Variants in OXR1 observed in about 807,000 individuals in gnomAD.
OXR1 encodes oxidation resistance protein 1.
Under a neutral mutation model 104.6 loss-of-function variants are expected in OXR1, and 41 were observed. The observed-to-expected ratio is 0.39, with a 90% CI of 0.31 to 0.51. OXR1 has a LOEUF of 0.51. Ranked by LOEUF, OXR1 falls within the 20% of genes least tolerant of loss-of-function variation. The pLI is 0.77. For missense variants in OXR1, 955 were observed against 1,031.9 expected, an observed-to-expected ratio of 0.93 and a Z score of 1.02; for synonymous variants, 348 against 348.4, an observed-to-expected ratio of 1.00 and a Z score of 0.01.
intron 12 of OXR1, 31 bp downstream of exon 12, chr8:106,737,631 G>A (rs1057201153): frequency 1.7e-5 from 15 of 897,580 alleles, no homozygotes; most frequent in Admixed American, 6.6e-5. Flanking sequence ...AACCCCTCCA[G>A]AGACTAAATA....
At chr8:106,609,789 G>A (rs575201751) in intron 3 of OXR1, among the ~76,000 whole-genome samples, 145 of 152,112 alleles carry the variant, frequency 9.5e-4, no homozygotes, top group African/African-American at 3.4e-3. Context: ...TATGATGCAT[G>A]TAATTTACAC....
intron 8 of OXR1, 103 bp from the exon 9 acceptor site, chr8:106,706,279 G>A: frequency 1.4e-6 from 1 of 722,042 alleles, no homozygotes; most frequent in East Asian, 3.1e-5. Context: ...ACATCCTTTT[G>A]TTAAAAAGTC....
chr8:106,664,079 G>T (rs1826036983), intron 3 of OXR1, among the ~76,000 whole-genome samples: 1 of 152,196 alleles, frequency 6.6e-6, no homozygotes, highest in South Asian at 2.1e-4. Flanking sequence ...ACCTCAGTGG[G>T]CTCTAGTGGT....
At chr8:106,460,297 G>A (rs1820833179) in intron 2 of OXR1, among the ~76,000 whole-genome samples, 1 of 152,120 alleles carries the variant, frequency 6.6e-6, no homozygotes, top group Non-Finnish European at 1.5e-5. Context: ...TCCTTTAAAA[G>A]CTGCCTTTGT....
chr8:106,586,771 G>A (rs763756106), intron 3 of OXR1, among the ~76,000 whole-genome samples: 8 of 152,118 alleles, frequency 5.3e-5, no homozygotes, highest in African/African-American at 9.7e-5. Context: ...TCCTGGGGGC[G>A]AGTGAGGAAA....
intron 3 of OXR1, among the ~76,000 whole-genome samples, chr8:106,602,166 C>T (rs2130757102): frequency 6.6e-6 from 1 of 152,284 alleles, no homozygotes; most frequent in East Asian, 1.9e-4. Context: ...GGATTCCTAG[C>T]CCACAAAACC....
At position 106,713,861 on chromosome 8, in the gene OXR1, C is replaced by T. The variant is rs1173093632; in HGVS notation, c.1832C>T (p.Pro611Leu). 6.3e-7 allele frequency: 1 copy of T among 1,580,602 alleles called. No homozygotes were observed. The highest frequency in any genetic ancestry group is 8.5e-7 in the Non-Finnish European group (1 of 1,169,944). ...TATGCCTTCTTCATTCAGTGGAGTCCAGAAATATATGCAGAAGATACTGGC... is the reference window on the plus strand; with the variant it reads ...TATGCCTTCTTCATTCAGTGGAGTCTAGAAATATATGCAGAAGATACTGGC... ...HLYAFFIQWS[P>L]EIYAEDTGEY... Residue 611 changes from proline to leucine, a missense_variant, in exon 11 of 17, where the codon CCA becomes CTA. By Grantham distance (98) the Pro-to-Leu change is moderately conservative. This residue lies in a region of OXR1 where 849 missense variants were observed against 852.9 expected (regional missense o/e 1.00). Coordinates refer to ENST00000517566, the MANE Select transcript of OXR1 (RefSeq NM_001198533.2).
chr8:106,314,862 T>C lies in OXR1; in HGVS notation c.-139+44495T>C, dbSNP rs999022983. 4.6e-5 allele frequency among the ~76,000 whole-genome samples: 7 copies of C among 152,364 alleles called. No individual in the cohort carries two copies. The East Asian group carries it at 1.2e-3, about 25-fold the overall frequency. ...TTTATCTGCATTTTAAAAATGATGA[T>C]GTATATTAGAGCATAACGGTATAGA... On this transcript the variant is annotated intron_variant, in intron 1 of 16. Transcript: ENST00000517566.
chr8:106,457,314 G>A (rs913174427), intron 2 of OXR1, among the ~76,000 whole-genome samples: 19 of 152,148 alleles, frequency 1.2e-4, no homozygotes, highest in African/African-American at 3.9e-4. Context: ...TCTACCTTCT[G>A]TCATGGGATG....
chr8:106,688,296 G>A (rs1587094504), intron 6 of OXR1, among the ~76,000 whole-genome samples: 2 of 152,116 alleles, frequency 1.3e-5, no homozygotes, highest in South Asian at 2.1e-4. Context: ...GGTGGGATAT[G>A]CAGATAGTCA....
chr8:106,690,285 A>G (rs1379324056), intron 6 of OXR1, among the ~76,000 whole-genome samples: 1 of 150,996 alleles, frequency 6.6e-6, no homozygotes, highest in Non-Finnish European at 1.5e-5. Context: ...CACATAAATC[A>G]TATATACTAC....
At chr8:106,477,820 A>G (rs1329754795) in intron 2 of OXR1, among the ~76,000 whole-genome samples, 5 of 151,868 alleles carry the variant, frequency 3.3e-5, no homozygotes, top group African/African-American at 1.2e-4. Flanking sequence ...ATTATTGGTG[A>G]TAGTATTGTG....
chr8:106,711,353 C>T (rs1015066694), intron 10 of OXR1, among the ~76,000 whole-genome samples: 3 of 152,078 alleles, frequency 2.0e-5, no homozygotes, highest in Non-Finnish European at 4.4e-5. Context: ...ATTATAACAA[C>T]TTTCCCTGTA....
In OXR1 at chr8:106,332,901, GC is replaced by G. The variant is rs1290919242; in HGVS notation, c.-138-26572del. Among the ~76,000 whole-genome samples the G allele has an allele frequency of 5.9e-5, 9 of 152,124 alleles. No homozygotes were observed. In the South Asian group the frequency reaches 1.5e-3, roughly 25 times the overall value. Reference sequence around the variant, plus strand: ...ATATAATTGAAATCATACAATCTGTGCCCTTTTTTGTCTGACTTCTTTAGCT... The same window carrying G: ...ATATAATTGAAATCATACAATCTGTGCCTTTTTTGTCTGACTTCTTTAGCT... On this transcript the variant is annotated intron_variant, in intron 1 of 16. Transcript: ENST00000517566.
At chr8:106,666,079 G>A (rs986733167) in intron 3 of OXR1, among the ~76,000 whole-genome samples, 2 of 152,116 alleles carry the variant, frequency 1.3e-5, no homozygotes, top group Non-Finnish European at 2.9e-5. Context: ...AATCTTTAAT[G>A]TAGTTCAATG....
intron 2 of OXR1, among the ~76,000 whole-genome samples, chr8:106,478,132 T>A: frequency 6.6e-6 from 1 of 151,936 alleles, no homozygotes; most frequent in African/African-American, 2.4e-5. Flanking sequence ...TAACTAGTGC[T>A]AGTGTCCTTA....
At chr8:106,465,159 G>A (rs1175339439) in intron 2 of OXR1, among the ~76,000 whole-genome samples, 1 of 152,102 alleles carries the variant, frequency 6.6e-6, no homozygotes, top group East Asian at 1.9e-4. Flanking sequence ...ATGTGAAGGT[G>A]ATTTGGGATC....
In OXR1 at chr8:106,751,188, T is replaced by A. The variant is rs538407844; in HGVS notation, c.*247T>A. ...TATAACAGCTTGGGTTTGTTAGAAT[T>A]TGGGCAACATTTTGATTATAATGAC... On this transcript the variant is annotated 3_prime_UTR_variant, in exon 17 of 17. Transcript: ENST00000517566. 1 of 299,476 alleles carries A rather than the reference T, an allele frequency of 3.3e-6. No individual in the cohort carries two copies. The highest frequency in any genetic ancestry group is 2.1e-5 in the African/African-American group (1 of 46,566). 18.6% of individuals were successfully genotyped at this position (299,476 alleles called of 1,614,324 possible).
intron 2 of OXR1, among the ~76,000 whole-genome samples, chr8:106,394,530 G>T (rs1464512960): frequency 5.3e-5 from 8 of 152,068 alleles, no homozygotes. Flanking sequence ...GAAACCACCT[G>T]AATGTCCTCC....
Sources: gnomAD v4.1 joint callset for allele counts (sites outside exome capture counted in the v4.1 genomes callset) on GRCh38, gnomAD v4.1.1 for gene constraint, gnomAD v4.1.1 regional missense constraint, MANE v1.5 for transcripts, NCBI Gene and HGNC (gene_info 2026-07-23, HGNC 2026-07-21) for gene names.